The following PRKCE variants were observed in gnomAD, a reference collection of about 807,000 sequenced individuals.
PRKCE encodes the protein protein kinase C epsilon type.
A neutral mutation model predicts 85.4 loss-of-function variants in PRKCE; 16 were observed. The ratio of observed to expected loss-of-function variants is 0.19; its 90% CI spans 0.13 to 0.28. The LOEUF is 0.28. Among genes scored for constraint, PRKCE ranks in the 10% least tolerant of loss-of-function variants. The probability of loss-of-function intolerance (pLI) is 1.00; values close to 1 mark genes in which losing one functional copy is unlikely to be tolerated. For missense variants in PRKCE, 573 were observed against 975.2 expected, an observed-to-expected ratio of 0.59 and a Z score of 5.49; for synonymous variants, 388 against 371.5, an observed-to-expected ratio of 1.04 and a Z score of -0.51.
intron 11 of PRKCE, among the ~76,000 whole-genome samples, chr2:46,123,528 G>A (rs751275516): frequency 4.0e-5 from 6 of 151,860 alleles, no homozygotes; most frequent in Admixed American, 2.0e-4. Flanking sequence ...TCGCTCTGTC[G>A]CCCAGGCTGG....
At chr2:46,177,155 C>T (rs931023267) in intron 14 of PRKCE, among the ~76,000 whole-genome samples, 1 of 152,162 alleles carries the variant, frequency 6.6e-6, no homozygotes, top group African/African-American at 2.4e-5. Flanking sequence ...GTAGCTCACA[C>T]CTGTAATCCC....
At chr2:46,133,406 T>C (rs1428402137) in intron 11 of PRKCE, among the ~76,000 whole-genome samples, 1 of 152,154 alleles carries the variant, frequency 6.6e-6, no homozygotes, top group Non-Finnish European at 1.5e-5. Flanking sequence ...CATGTCCATC[T>C]CTCCTTCTAG....
intron 1 of PRKCE, among the ~76,000 whole-genome samples, chr2:45,735,443 C>A (rs1409233127): frequency 2.6e-5 from 4 of 152,228 alleles, no homozygotes; most frequent in African/African-American, 9.6e-5. Flanking sequence ...TTTGCCTCCT[C>A]CATGGATTAG....
intron 13 of PRKCE, among the ~76,000 whole-genome samples, chr2:46,156,159 A>G (rs1677186748): frequency 6.6e-6 from 1 of 150,940 alleles, no homozygotes; most frequent in Non-Finnish European, 1.5e-5. Flanking sequence ...TCTTCCACAT[A>G]GCCTCCAGGG....
chr2:45,828,349 A>G (rs558482272), intron 1 of PRKCE, among the ~76,000 whole-genome samples: 30 of 152,318 alleles, frequency 2.0e-4, no homozygotes, highest in Middle Eastern at 6.8e-3. Context: ...GCAGTGAGCC[A>G]AGGTAGCACC....
At chr2:45,709,310 T>C (rs9309128) in intron 1 of PRKCE, among the ~76,000 whole-genome samples, 130,774 of 152,294 alleles carry the variant, frequency 0.86, 56,465 homozygotes, top group East Asian at 0.94. Flanking sequence ...ATGCACTGGG[T>C]TCTCAGCCTT....
intron 1 of PRKCE, among the ~76,000 whole-genome samples, chr2:45,793,950 A>C (rs2105114677): frequency 6.6e-6 from 1 of 152,294 alleles, no homozygotes; most frequent in East Asian, 1.9e-4. Context: ...ATATTAACAG[A>C]AATGAAAAGG....
At chr2:46,072,918 T>G (rs180816527) in intron 10 of PRKCE, among the ~76,000 whole-genome samples, 5 of 152,308 alleles carry the variant, frequency 3.3e-5, no homozygotes, top group African/African-American at 1.2e-4. Context: ...AATGTTCATG[T>G]TAGAAGGCAC....
chr2:45,982,481 G>A (rs932826402), intron 5 of PRKCE, among the ~76,000 whole-genome samples: 7 of 152,124 alleles, frequency 4.6e-5, no homozygotes, highest in Non-Finnish European at 1.0e-4. Context: ...AGCATGCGGT[G>A]GACTCACACC....
intron 2 of PRKCE, among the ~76,000 whole-genome samples, chr2:45,866,636 G>T (rs903247635): frequency 6.6e-6 from 1 of 152,206 alleles, no homozygotes; most frequent in Non-Finnish European, 1.5e-5. Context: ...ACAATGGCGG[G>T]GAAGCAGGCG....
intron 1 of PRKCE, among the ~76,000 whole-genome samples, chr2:45,701,677 C>A (rs943668658): frequency 2.6e-5 from 4 of 152,090 alleles, no homozygotes; most frequent in African/African-American, 9.7e-5. Flanking sequence ...TTGTTTTGCC[C>A]ACCTCCTAGG....
chr2:45,890,910 C>A (rs1038649355), intron 2 of PRKCE, among the ~76,000 whole-genome samples: 2 of 152,166 alleles, frequency 1.3e-5, no homozygotes, highest in Admixed American at 6.5e-5. Flanking sequence ...GTCCTGACAG[C>A]ACGCATGGTC....
At chr2:46,149,058 T>A (rs1305289487) in intron 12 of PRKCE, among the ~76,000 whole-genome samples, 2 of 152,250 alleles carry the variant, frequency 1.3e-5, no homozygotes, top group Non-Finnish European at 2.9e-5. Context: ...CAGAAGATTC[T>A]AAACTGTGAG....
intron 2 of PRKCE, among the ~76,000 whole-genome samples, chr2:45,965,382 T>C (rs1701667077): frequency 6.6e-6 from 1 of 152,228 alleles, no homozygotes; most frequent in Non-Finnish European, 1.5e-5. Context: ...TAGTACCTGG[T>C]TTTGTTTGTT....
intron 1 of PRKCE, among the ~76,000 whole-genome samples, chr2:45,729,441 C>T (rs906576565): frequency 6.6e-6 from 1 of 152,114 alleles, no homozygotes; most frequent in Non-Finnish European, 1.5e-5. Context: ...TGATATCAAG[C>T]CAGCTCGGCC....
intron 2 of PRKCE, among the ~76,000 whole-genome samples, chr2:45,875,434 T>G (rs1694401806): frequency 6.6e-6 from 1 of 152,242 alleles, no homozygotes; most frequent in Admixed American, 6.5e-5. Flanking sequence ...CTAAGGAGGA[T>G]GTTGAAACAT....
intron 13 of PRKCE, among the ~76,000 whole-genome samples, chr2:46,158,487 T>C (rs1574628842): frequency 1.3e-5 from 2 of 152,144 alleles, no homozygotes; most frequent in African/African-American, 4.8e-5. Context: ...GACTCACACC[T>C]ACTCTCCACC....
At chr2:45,842,925 G>T (rs1410055798) in intron 1 of PRKCE, 75 bp from the exon 2 acceptor site, 1 of 1,352,744 alleles carries the variant, frequency 7.4e-7, no homozygotes, top group African/African-American at 1.4e-5. Context: ...AGCAGTTTGG[G>T]GTAGAAATGT....
chr2:45,883,863 G>T (rs545821268), intron 2 of PRKCE, among the ~76,000 whole-genome samples: 3 of 152,302 alleles, frequency 2.0e-5, no homozygotes, highest in Admixed American at 6.5e-5. Flanking sequence ...CTGGGGAGGG[G>T]CTTGGGCTTT....
Sources: allele counts gnomAD v4.1 joint callset (sites outside exome capture counted in the v4.1 genomes callset), GRCh38; gene constraint gnomAD v4.1.1; transcripts MANE v1.5; gene names NCBI Gene and HGNC (gene_info 2026-07-23, HGNC 2026-07-21).